The following VPS13D variants were observed in gnomAD, a reference collection of about 807,000 sequenced individuals.
The protein encoded by VPS13D is vacuolar protein sorting 13 homolog D.
In VPS13D, 187 loss-of-function variants were observed where a neutral mutation model predicts 461.9. The observed-to-expected ratio is 0.40, with a 90% CI of 0.36 to 0.46. The LOEUF (loss-of-function observed/expected upper bound fraction) is 0.46, where lower values mean the gene tolerates loss of function less well. Ranked by LOEUF, VPS13D falls within the 20% of genes least tolerant of loss-of-function variation. VPS13D has a pLI of 0.60. For missense variants in VPS13D, 4,711 were observed against 5,364.9 expected, an observed-to-expected ratio of 0.88 and a Z score of 3.81; for synonymous variants, 1,951 against 1,986.3, an observed-to-expected ratio of 0.98 and a Z score of 0.47.
intron 13 of VPS13D, among the ~76,000 whole-genome samples, chr1:12,266,330 ATCT>A (rs925683786): frequency 2.6e-5 from 4 of 152,238 alleles, no homozygotes; most frequent in African/African-American, 4.8e-5. Context: ...CTACAGAGAA[ATCT>A]TCTGTGAAAG....
intron 49 of VPS13D, among the ~76,000 whole-genome samples, chr1:12,357,003 C>G (rs1365502570): frequency 1.3e-5 from 2 of 152,170 alleles, no homozygotes; most frequent in African/African-American, 4.8e-5. Flanking sequence ...TTTATGGTCT[C>G]AGAGCACTCA....
intron 60 of VPS13D, among the ~76,000 whole-genome samples, chr1:12,393,634 G>A (rs941066846): frequency 6.6e-6 from 1 of 152,190 alleles, no homozygotes; most frequent in Non-Finnish European, 1.5e-5. Context: ...CACCACCCCT[G>A]CATCTTTCAA....
intron 26 of VPS13D, among the ~76,000 whole-genome samples, 169 bp downstream of exon 26, chr1:12,304,897 G>A (rs1381933096): frequency 5.3e-5 from 8 of 152,146 alleles, no homozygotes; most frequent in African/African-American, 7.2e-5. Context: ...AGAGTTTTGG[G>A]TGTAGATTTA....
At chr1:12,449,064 G>A (rs1645228981) in intron 65 of VPS13D, among the ~76,000 whole-genome samples, 1 of 151,994 alleles carries the variant, frequency 6.6e-6, no homozygotes, top group Non-Finnish European at 1.5e-5. Flanking sequence ...TGCCTGATAA[G>A]TGTTTATCCG....
In VPS13D at chr1:12,488,640, A is replaced by G. The variant is rs368182913; in HGVS notation, c.12663-8860A>G. On this transcript the variant is annotated intron_variant, in intron 67 of 69. Transcript: ENST00000620676. ...CCACACCTGCAATCCCAGCACTTTC[A>G]GAGGCTAAGGCAGGAAAATCATTTG... 2.5e-4 allele frequency among the ~76,000 whole-genome samples: 37 copies of G among 149,926 alleles called. 3 individuals carry two copies. The highest frequency in any genetic ancestry group is 1.9e-3 in the Admixed American group (29 of 14,962).
At chr1:12,429,253 G>A (rs775963434) in intron 65 of VPS13D, among the ~76,000 whole-genome samples, 2 of 150,696 alleles carry the variant, frequency 1.3e-5, no homozygotes, top group African/African-American at 2.4e-5. Context: ...ATGTGTTATT[G>A]TCTAGCTATT....
chr1:12,261,712 C>T (rs940755370), intron 12 of VPS13D, among the ~76,000 whole-genome samples, 189 bp from the exon 13 acceptor site: 2 of 152,118 alleles, frequency 1.3e-5, no homozygotes, highest in Non-Finnish European at 2.9e-5. Context: ...GATAAGATCC[C>T]TTAAAAAACA....
chr1:12,244,389 A>G lies in VPS13D; in HGVS notation c.319A>G (p.Arg107Gly). The change falls in exon 4 of 70, where the codon AGG becomes GGG. Residue 107 changes from arginine to glycine, a missense_variant. Coordinates refer to ENST00000620676, the MANE Select transcript of VPS13D (RefSeq NM_015378.4). ...TGATGAAAAGGAGAAGCTGTTGGAAAGGGAACGTAAGAAAGCACTACTTCA... is the reference window on the plus strand; with the variant it reads ...TGATGAAAAGGAGAAGCTGTTGGAAGGGGAACGTAAGAAAGCACTACTTCA... Reference protein sequence around the residue: ...FNDEKEKLLERERKKALLQAL... With the variant: ...FNDEKEKLLEGERKKALLQAL... The G allele has an allele frequency of 6.2e-7, 1 of 1,614,244 alleles. No individual in the cohort carries two copies. The highest frequency in any genetic ancestry group is 2.2e-5 in the East Asian group (1 of 44,892).
intron 65 of VPS13D, among the ~76,000 whole-genome samples, chr1:12,451,907 T>C (rs1391577981): frequency 6.6e-6 from 1 of 152,244 alleles, no homozygotes; most frequent in Non-Finnish European, 1.5e-5. Flanking sequence ...CTATGTGCTT[T>C]ACATGTATTA....
At chr1:12,482,647 A>G (rs1645734632) in intron 67 of VPS13D, among the ~76,000 whole-genome samples, 1 of 152,098 alleles carries the variant, frequency 6.6e-6, no homozygotes, top group Non-Finnish European at 1.5e-5. Context: ...AAGAAAATAA[A>G]AAGGACTTAT....
intron 55 of VPS13D, among the ~76,000 whole-genome samples, chr1:12,377,952 AC>A (rs1474630067): frequency 6.6e-6 from 1 of 152,126 alleles, no homozygotes; most frequent in Non-Finnish European, 1.5e-5. Flanking sequence ...TTCCTTATAA[AC>A]ATTCGGGACG....
intron 66 of VPS13D, among the ~76,000 whole-genome samples, chr1:12,458,377 C>T (rs1397182131): frequency 6.6e-6 from 1 of 152,148 alleles, no homozygotes; most frequent in East Asian, 1.9e-4. Flanking sequence ...AATTCCTGTT[C>T]TGTGTGTGCT....
At chr1:12,302,717 C>A (rs1351939799) in intron 25 of VPS13D, among the ~76,000 whole-genome samples, 1 of 151,768 alleles carries the variant, frequency 6.6e-6, no homozygotes, top group Non-Finnish European at 1.5e-5. Flanking sequence ...AAAACCAACC[C>A]TTTAAAATAT....
At chr1:12,497,896 G>T (rs183492018) in intron 68 of VPS13D, among the ~76,000 whole-genome samples, 1 of 152,290 alleles carries the variant, frequency 6.6e-6, no homozygotes, top group East Asian at 1.9e-4. Context: ...TTTCTAGTTA[G>T]TTCAAAGAGA....
chr1:12,394,687 C>T (rs1363053424), intron 60 of VPS13D, among the ~76,000 whole-genome samples: 1 of 152,062 alleles, frequency 6.6e-6, no homozygotes, highest in Admixed American at 6.5e-5. Context: ...GTGGCTAATC[C>T]ACTCCACCAT....
At chr1:12,264,947 G>C (rs1197456126) in intron 13 of VPS13D, among the ~76,000 whole-genome samples, 1 of 152,160 alleles carries the variant, frequency 6.6e-6, no homozygotes, top group African/African-American at 2.4e-5. Flanking sequence ...AGTGCAGCTG[G>C]TGACTTTAAG....
intron 65 of VPS13D, among the ~76,000 whole-genome samples, chr1:12,439,972 G>T (rs940670193): frequency 2.6e-5 from 4 of 152,160 alleles, no homozygotes; most frequent in African/African-American, 9.7e-5. Flanking sequence ...TGTCTGCAGT[G>T]AATATTGGCT....
Position 12,311,614 on chromosome 1 carries a change from C to T in VPS13D, c.6811C>T (p.Pro2271Ser). ...TATGCGGCCTTATGATTTACAAGAT[C>T]CAAGAATTCATGTGAGTGAGACCTT... ...EFMRPYDLQD[P>S]RIHTVLSGEV... Residue 2271 changes from proline (P) to serine (S), a missense_variant, in exon 28 of 70, where the codon CCA (proline) becomes TCA (serine). Pro to Ser is a moderately conservative substitution (Grantham distance 74). Coordinates refer to ENST00000620676, the MANE Select transcript of VPS13D (RefSeq NM_015378.4). 6.2e-7 allele frequency: 1 copy of T among 1,614,046 alleles called. No homozygotes were observed. The highest frequency in any genetic ancestry group is 2.2e-5 in the East Asian group (1 of 44,882).
chr1:12,300,728 C>T (rs1471060395), intron 25 of VPS13D, among the ~76,000 whole-genome samples: 3 of 152,044 alleles, frequency 2.0e-5, no homozygotes, highest in Non-Finnish European at 4.4e-5. Context: ...ATGGAAACAC[C>T]TAGTAATTCA....
Sources: gnomAD v4.1 joint callset for allele counts (sites outside exome capture counted in the v4.1 genomes callset) on GRCh38, gnomAD v4.1.1 for gene constraint, MANE v1.5 for transcripts, NCBI Gene and HGNC (gene_info 2026-07-23, HGNC 2026-07-21) for gene names.